UAP1: variants seen among roughly 807,000 people sequenced by gnomAD.
The protein encoded by UAP1 is UDP-N-acetylhexosamine pyrophosphorylase.
In UAP1, 25 loss-of-function variants were observed where a neutral mutation model predicts 58.5. That is an observed-to-expected ratio of 0.43 (90% CI 0.31 to 0.60). The LOEUF is 0.60. UAP1 is among the 20% of genes least tolerant of loss of function. The pLI is 0.11. For synonymous variants in UAP1, 208 were observed against 213.0 expected (o/e 0.98, Z 0.21); for missense variants, 575 against 630.0 (o/e 0.91, Z 0.93).
intron 8 of UAP1, 139 bp from the exon 9 acceptor site, chr1:162,592,593 C>A (rs746242964): frequency 4.7e-6 from 3 of 636,090 alleles, no homozygotes; most frequent in African/African-American, 1.9e-5. Flanking sequence ...TATTTTTTTA[C>A]CCCCTTTTGG....
intron 2 of UAP1, 96 bp downstream of exon 2, chr1:162,566,444 C>A: frequency 7.7e-7 from 1 of 1,290,350 alleles, no homozygotes; most frequent in Non-Finnish European, 1.1e-6. Flanking sequence ...TTGATTCATA[C>A]TACATTAAAC....
intron 2 of UAP1, among the ~76,000 whole-genome samples, chr1:162,566,630 AT>A (rs60264435): frequency 1.7e-3 from 250 of 144,262 alleles, no homozygotes; most frequent in Middle Eastern, 7.4e-3. Flanking sequence ...AGCTGGCTTA[AT>A]TTTTTTTTTT....
At chr1:162,573,870 G>A (rs1654013294) in intron 2 of UAP1, among the ~76,000 whole-genome samples, 1 of 151,758 alleles carries the variant, frequency 6.6e-6, no homozygotes, top group Non-Finnish European at 1.5e-5. Context: ...AGGCTGGGGT[G>A]GGAGGATCAC....
chr1:162,565,982 G>T, intron 1 of UAP1, 30 bp from the exon 2 acceptor site: 1 of 1,415,572 alleles, frequency 7.1e-7, no homozygotes, highest in South Asian at 1.4e-5. Context: ...GTTGGATTTT[G>T]ACATGCCATT....
exon 8 of UAP1, chr1:162,590,488 C>T (rs373961382): frequency 1.2e-5 from 20 of 1,601,842 alleles, no homozygotes; most frequent in Non-Finnish European, 1.7e-5. Context: ...ATGAAAATGG[C>T]TCTCGCCTTC....
rs893150955 is a variant in UAP1 at position 162,597,700 on chromosome 1, A to G, written c.1410-92A>G. On this transcript the variant is annotated intron_variant, in intron 9 of 10. Transcript: ENST00000271469. Reference sequence around the variant, plus strand: ...TGTTTAACTGGAAGAATTATCTGCAAGCTTCTCAGAGGAAAGTTATGGTTT... The same window carrying G: ...TGTTTAACTGGAAGAATTATCTGCAGGCTTCTCAGAGGAAAGTTATGGTTT... 9 of 982,632 alleles carry G rather than the reference A, an allele frequency of 9.2e-6. No individual in the cohort carries two copies. The African/African-American group carries it at 1.3e-4, about 14-fold the overall frequency. The allele number at this position is 982,632 out of a possible 1,614,324, so 60.9% of individuals were successfully genotyped here. A position where few individuals can be genotyped will look rare whatever the true frequency, so the allele number is the denominator to read the frequency against.
At chr1:162,593,735 AAGACT>A in intron 9 of UAP1, 1 of 151,844 alleles carries the variant, frequency 6.6e-6, no homozygotes, top group South Asian at 2.1e-4. Flanking sequence ...GTGACAGAGC[AAGACT>A]CCATCTCAAA....
intron 2 of UAP1, among the ~76,000 whole-genome samples, chr1:162,570,530 C>T (rs1653797902): frequency 6.6e-6 from 1 of 152,078 alleles, no homozygotes; most frequent in Non-Finnish European, 1.5e-5. Context: ...TTTTTATCCT[C>T]ATATAGTTTG....
At chr1:162,597,724 T>G (rs1655691395) in intron 9 of UAP1, 68 bp from the exon 10 acceptor site, 1 of 1,334,154 alleles carries the variant, frequency 7.5e-7, no homozygotes, top group Non-Finnish European at 1.1e-6. Flanking sequence ...AAGTTATGGT[T>G]TGTACTTTTG....
intron 2 of UAP1, among the ~76,000 whole-genome samples, chr1:162,570,742 A>T (rs985596872): frequency 6.8e-6 from 1 of 147,008 alleles, no homozygotes; most frequent in Admixed American, 6.6e-5. Flanking sequence ...TTAAAGACTT[A>T]AATTATTCTC....
In UAP1 at chr1:162,580,097, C is replaced by T. The variant is rs564714232; in HGVS notation, c.661+494C>T. On this transcript the variant is annotated intron_variant, in intron 4 of 10. Coordinates refer to ENST00000271469, the Ensembl canonical transcript of UAP1. ...GGCTAGGCTGGTCTCAAACTCCTGA[C>T]CTCAAATGATGTACCTGCCTTGGCC... Among the ~76,000 whole-genome samples the T allele has an allele frequency of 5.3e-5, 8 of 152,206 alleles. No homozygotes were observed. The South Asian group carries it at 1.7e-3, about 32-fold the overall frequency.
intron 5 of UAP1, among the ~76,000 whole-genome samples, chr1:162,587,169 T>C (rs1190103715): frequency 2.0e-5 from 3 of 152,188 alleles, no homozygotes; most frequent in African/African-American, 7.2e-5. Context: ...GGATGTTGAC[T>C]CCTGATGTAA....
Position 162,587,023 on chromosome 1 carries a change from G to GC in UAP1, c.835-451dup, listed in dbSNP as rs200849782. Among the ~76,000 whole-genome samples the GC allele has an allele frequency of 4.4e-3, 665 of 152,206 alleles. 1 individual carries two copies. Among genetic ancestry groups the GC allele is most frequent in the Non-Finnish European group, 7.2e-3 (489 of 68,014 alleles). On this transcript the variant is annotated intron_variant, in intron 5 of 10. Coordinates refer to ENST00000271469, the Ensembl canonical transcript of UAP1. ...ATGCTTTTTTCAAATGAAATATCGG[G>GC]CAATAGAAAATGAGAGACAAAATGC...
At chr1:162,585,603 C>T (rs918789786) in intron 5 of UAP1, among the ~76,000 whole-genome samples, 1 of 152,178 alleles carries the variant, frequency 6.6e-6, no homozygotes, top group African/African-American at 2.4e-5. Context: ...TGGATTCCCA[C>T]TTCATTCAGT....
At chr1:162,566,682 A>C (rs373261773) in intron 2 of UAP1, among the ~76,000 whole-genome samples, 3 of 151,350 alleles carry the variant, frequency 2.0e-5, no homozygotes, top group South Asian at 4.2e-4. Flanking sequence ...GCTGGAGTGC[A>C]GTGGGGCGAT....
intron 3 of UAP1, among the ~76,000 whole-genome samples, chr1:162,577,681 G>C (rs779853852): frequency 6.6e-6 from 1 of 150,864 alleles, no homozygotes; most frequent in African/African-American, 2.4e-5. Context: ...GCGCGATTTC[G>C]GCCCACTGCA....
At chr1:162,597,070 T>C (rs934134348) in intron 9 of UAP1, among the ~76,000 whole-genome samples, 4 of 152,312 alleles carry the variant, frequency 2.6e-5, no homozygotes, top group East Asian at 3.9e-4. Flanking sequence ...TTGAAACATA[T>C]TGAATAAATT....
chr1:162,593,205 G>C (rs1251555018), intron 9 of UAP1: 1 of 168,902 alleles, frequency 5.9e-6, no homozygotes, highest in African/African-American at 2.4e-5. Context: ...TGTCATATTT[G>C]ATGGCCCTTA....
In UAP1 at chr1:162,579,621, T is replaced by C; in HGVS notation, c.661+18T>C. 2.7e-6 allele frequency: 4 copies of C among 1,504,036 alleles called. No homozygotes were observed. The East Asian group carries it at 9.3e-5, about 35-fold the overall frequency. The allele number at this position is 1,504,036 out of a possible 1,614,324, so 93.2% of individuals were successfully genotyped here. A position where few individuals can be genotyped will look rare whatever the true frequency, so the allele number is the denominator to read the frequency against. On this transcript the variant is annotated intron_variant, in intron 4 of 10. Transcript: ENST00000271469. Reference sequence around the variant, plus strand: ...GGCTCCAGGTTTGTAATCATCCTTATTTAATGGTGACTAGAAAGGATAACA... The same window carrying C: ...GGCTCCAGGTTTGTAATCATCCTTACTTAATGGTGACTAGAAAGGATAACA...
Sources: allele counts gnomAD v4.1 joint callset (sites outside exome capture counted in the v4.1 genomes callset), GRCh38; gene constraint gnomAD v4.1.1; transcripts MANE v1.5; gene names NCBI Gene and HGNC (gene_info 2026-07-23, HGNC 2026-07-21).